The following NUP37 variants were observed in gnomAD, a reference collection of about 807,000 sequenced individuals.
The protein encoded by NUP37 is nucleoporin 37.
A neutral mutation model predicts 45.4 loss-of-function variants in NUP37; 33 were observed. The observed-to-expected ratio is 0.73, with a 90% CI of 0.55 to 0.97. The LOEUF is 0.97. Among genes scored for constraint, NUP37 ranks in the 50% least tolerant of loss-of-function variants. The pLI, the probability that NUP37 is intolerant of heterozygous loss-of-function variation, is 0.00. For missense variants in NUP37, 365 were observed against 389.7 expected, an observed-to-expected ratio of 0.94 and a Z score of 0.53; for synonymous variants, 127 against 130.7, an observed-to-expected ratio of 0.97 and a Z score of 0.19.
intron 3 of NUP37, among the ~76,000 whole-genome samples, chr12:102,110,621 T>C (rs541320733): frequency 3.4e-4 from 52 of 152,122 alleles, no homozygotes; most frequent in African/African-American, 1.2e-3. Context: ...GGCACATGGA[T>C]TGCCTGAGCT....
intron 5 of NUP37, among the ~76,000 whole-genome samples, chr12:102,093,559 G>A (rs893153925): frequency 6.6e-6 from 1 of 152,014 alleles, no homozygotes; most frequent in Admixed American, 6.5e-5. Flanking sequence ...CATCTTTAAG[G>A]AATTCAGAGT....
chr12:102,115,591 C>T (rs1021639440), intron 2 of NUP37, among the ~76,000 whole-genome samples: 2 of 152,154 alleles, frequency 1.3e-5, no homozygotes, highest in African/African-American at 4.8e-5. Context: ...ACCCAGTATG[C>T]ACTTAATGAA....
chr12:102,113,117 T>G (rs1383773130), intron 2 of NUP37, among the ~76,000 whole-genome samples: 1 of 152,178 alleles, frequency 6.6e-6, no homozygotes, highest in Non-Finnish European at 1.5e-5. Context: ...ATTACAACAT[T>G]GCAAAAATTC....
chr12:102,100,543 TA>T (rs1251013234), intron 4 of NUP37, among the ~76,000 whole-genome samples: 2 of 152,226 alleles, frequency 1.3e-5, no homozygotes, highest in Non-Finnish European at 2.9e-5. Context: ...CAGGTAAGGA[TA>T]TTAGCACAAA....
intron 4 of NUP37, among the ~76,000 whole-genome samples, chr12:102,100,218 C>A (rs143166989): frequency 6.6e-6 from 1 of 152,152 alleles, no homozygotes; most frequent in Non-Finnish European, 1.5e-5. Context: ...CCAATCCATA[C>A]AGTACATTAA....
intron 3 of NUP37, among the ~76,000 whole-genome samples, chr12:102,103,744 T>G (rs781648208): frequency 3.7e-4 from 56 of 152,164 alleles, no homozygotes; most frequent in Admixed American, 2.9e-3. Flanking sequence ...TGTGGTTCAC[T>G]TTATTAACAG....
intron 7 of NUP37, 156 bp downstream of exon 7, chr12:102,077,166 T>C (rs1246001137): frequency 2.0e-5 from 15 of 731,952 alleles, no homozygotes; most frequent in Admixed American, 4.9e-5. Flanking sequence ...AGCAAGTTTA[T>C]GTTATATAAA....
chr12:102,095,110 G>A (rs1470849984), intron 5 of NUP37, among the ~76,000 whole-genome samples: 1 of 151,984 alleles, frequency 6.6e-6, no homozygotes, highest in African/African-American at 2.4e-5. Flanking sequence ...TTACAGAATG[G>A]TACTGTTTCT....
intron 5 of NUP37, among the ~76,000 whole-genome samples, chr12:102,087,004 G>A (rs1019271472): frequency 6.6e-5 from 10 of 152,314 alleles, no homozygotes; most frequent in African/African-American, 1.2e-4. Flanking sequence ...GCAGGCTGAC[G>A]TGGGAGGATT....
chr12:102,110,589 T>C (rs935648167), intron 3 of NUP37, among the ~76,000 whole-genome samples: 5 of 151,264 alleles, frequency 3.3e-5, no homozygotes, highest in Admixed American at 2.0e-4. Flanking sequence ...CATGCTGTCA[T>C]CCCAGCACTT....
intron 2 of NUP37, 130 bp from the exon 3 acceptor site, chr12:102,112,362 T>G: frequency 1.5e-6 from 1 of 672,094 alleles, no homozygotes; most frequent in Non-Finnish European, 2.3e-6. Context: ...AATTACATAT[T>G]AAGATTTAAC....
At position 102,118,376 on chromosome 12, in the gene NUP37, G is replaced by A. The variant is rs773472753; in HGVS notation, c.143C>T (p.Thr48Met). Residue 48 changes from threonine (T) to methionine (M), a missense_variant, in exon 2 of 10, where the codon ACG becomes ATG. Coordinates refer to ENST00000552283, the MANE Select transcript of NUP37 (RefSeq NM_024057.4). Reference protein sequence around the residue: ...YGGNNYVVIGTCTFQEEEADV... With the variant: ...YGGNNYVVIGMCTFQEEEADV... ...TTGTAGACTAACCTGAAACGTACAC[G>A]TGCCAATGACCACATAATTATTGCC... 9 of 1,612,996 alleles carry A rather than the reference G, an allele frequency of 5.6e-6. No individual in the cohort carries two copies. The highest frequency in any genetic ancestry group is 2.2e-5 in the East Asian group (1 of 44,862).
At chr12:102,092,173 G>C (rs1425119229) in intron 5 of NUP37, among the ~76,000 whole-genome samples, 1 of 152,110 alleles carries the variant, frequency 6.6e-6, no homozygotes, top group Non-Finnish European at 1.5e-5. Flanking sequence ...TTGTTTGCTA[G>C]GAAATTCATC....
rs749852340 is a variant in NUP37, at chr12:102,099,111, G to T, written c.444C>A (p.Thr148=). ...TTATAACATAAGCAACATACCTGCAGGTGTGATCGTCACTCACACTTGCAA... is the reference window on the plus strand; with the variant it reads ...TTATAACATAAGCAACATACCTGCATGTGTGATCGTCACTCACACTTGCAA... ...QEIASVSDDH[T]CRIWNLEGVQ... Residue 148 remains threonine, a synonymous_variant, in exon 5 of 10, where the codon ACC becomes ACA. Coordinates refer to ENST00000552283, the MANE Select transcript of NUP37 (RefSeq NM_024057.4). The T allele has an allele frequency of 1.3e-6, 2 of 1,595,816 alleles. No individual in the cohort carries two copies. The highest frequency in any genetic ancestry group is 1.7e-6 in the Non-Finnish European group (2 of 1,163,382).
At chr12:102,086,381 G>C (rs1264254470) in intron 5 of NUP37, among the ~76,000 whole-genome samples, 2 of 152,134 alleles carry the variant, frequency 1.3e-5, no homozygotes, top group African/African-American at 2.4e-5. Context: ...TCTACCTTTA[G>C]GATTCCAACC....
chr12:102,085,724 G>T, intron 6 of NUP37, 42 bp downstream of exon 6: 1 of 941,714 alleles, frequency 1.1e-6, no homozygotes, highest in Non-Finnish European at 1.6e-6. Flanking sequence ...ATCTCTATAA[G>T]TCTTTTCAAT....
chr12:102,091,828 G>A (rs376067500), intron 5 of NUP37, among the ~76,000 whole-genome samples: 28 of 152,262 alleles, frequency 1.8e-4, no homozygotes, highest in African/African-American at 5.3e-4. Flanking sequence ...GTGATGATGG[G>A]ATAGAGAGCT....
chr12:102,108,707 G>GA (rs1036866718), intron 3 of NUP37, among the ~76,000 whole-genome samples: 2 of 152,104 alleles, frequency 1.3e-5, no homozygotes, highest in African/African-American at 4.8e-5. Flanking sequence ...CTTCTCCTTT[G>GA]AATTTGTCCA....
intron 3 of NUP37, among the ~76,000 whole-genome samples, chr12:102,107,763 T>C (rs771761860): frequency 1.8e-4 from 27 of 152,116 alleles, no homozygotes; most frequent in Non-Finnish European, 3.4e-4. Context: ...ATACATATAG[T>C]ATTATTATAT....
Sources: allele counts gnomAD v4.1 joint callset (sites outside exome capture counted in the v4.1 genomes callset), GRCh38; gene constraint gnomAD v4.1.1; transcripts MANE v1.5; gene names NCBI Gene and HGNC (gene_info 2026-07-23, HGNC 2026-07-21).